The following SLC25A12 variants were observed in gnomAD, a reference collection of about 807,000 sequenced individuals.
SLC25A12 encodes solute carrier family 25 member 12.
A neutral mutation model predicts 83.3 loss-of-function variants in SLC25A12; 32 were observed. The observed-to-expected ratio is 0.38, with a 90% CI of 0.29 to 0.52. SLC25A12 has a LOEUF of 0.52. SLC25A12 is among the 20% of genes least tolerant of loss of function. The pLI is 0.84. For missense variants in SLC25A12, 611 were observed against 835.6 expected (o/e 0.73, Z 3.31); for synonymous variants, 267 against 291.1 (o/e 0.92, Z 0.84).
intron 13 of SLC25A12, among the ~76,000 whole-genome samples, chr2:171,794,977 G>A (rs903024060): frequency 2.6e-5 from 4 of 152,140 alleles, no homozygotes; most frequent in African/African-American, 9.6e-5. Context: ...TCCCAGACCC[G>A]CTTCCAAGGG....
chr2:171,870,897 AC>A (rs914357038), intron 2 of SLC25A12, among the ~76,000 whole-genome samples: 12 of 152,136 alleles, frequency 7.9e-5, no homozygotes, highest in African/African-American at 2.7e-4. Flanking sequence ...AAACAAAGCC[AC>A]CTGTTCTTTC....
intron 2 of SLC25A12, among the ~76,000 whole-genome samples, chr2:171,871,243 C>A (rs968458442): frequency 6.6e-6 from 1 of 151,992 alleles, no homozygotes; most frequent in East Asian, 1.9e-4. Flanking sequence ...GAGACTACCA[C>A]CACAAGTGCT....
At position 171,783,637 on chromosome 2, in the gene SLC25A12, G is replaced by A. The variant is rs868112041; in HGVS notation, c.*1637C>T. Among the ~76,000 whole-genome samples the A allele has an allele frequency of 3.9e-5, 6 of 152,086 alleles. No individual in the cohort carries two copies. Among genetic ancestry groups the A allele is most frequent in the East Asian group, 1.9e-4 (1 of 5,188 alleles). On this transcript the variant is annotated 3_prime_UTR_variant, in exon 18 of 18. Coordinates refer to ENST00000422440, the MANE Select transcript of SLC25A12 (RefSeq NM_003705.5). ...TGGTGGAGGTAGAAGGAGGGTAAGCGGGACACTTTCCCATCTCACTCTAGA... is the reference window on the plus strand; with the variant it reads ...TGGTGGAGGTAGAAGGAGGGTAAGCAGGACACTTTCCCATCTCACTCTAGA...
rs1392877222 is a variant in SLC25A12, at chr2:171,784,549, G to C, written c.*725C>G. 1 of 152,426 alleles carries C rather than the reference G, an allele frequency of 6.6e-6. No individual in the cohort carries two copies. Among genetic ancestry groups the C allele is most frequent in the Non-Finnish European group, 1.5e-5 (1 of 68,206 alleles). 9.4% of individuals were successfully genotyped at this position (152,426 alleles called of 1,614,324 possible). A position where few individuals can be genotyped will look rare whatever the true frequency, so the allele number is the denominator to read the frequency against. Reference sequence around the variant, plus strand: ...CCATATGCACACTGACAGGCGAGGAGCTGCCTAGGAAATGCTTTTTGATTG... The same window carrying C: ...CCATATGCACACTGACAGGCGAGGACCTGCCTAGGAAATGCTTTTTGATTG... On this transcript the variant is annotated 3_prime_UTR_variant, in exon 18 of 18. Coordinates refer to ENST00000422440, the MANE Select transcript of SLC25A12 (RefSeq NM_003705.5).
At position 171,785,277 on chromosome 2, in the gene SLC25A12, C is replaced by T; in HGVS notation, c.2034G>A (p.Gln678=). 3 of 1,614,124 alleles carry T rather than the reference C, an allele frequency of 1.9e-6. No homozygotes were observed. The highest frequency in any genetic ancestry group is 1.1e-5 in the South Asian group (1 of 91,034). ...VQPKAAVAAT[Q] ...GCCACACTCAACAGTTGTCTCATCA[C>T]TGAGTGGCTGCCACTGCTGCCTTTG... is the stretch of plus-strand genomic sequence containing the variant. Residue 678 remains glutamine (Q), a synonymous_variant, in exon 18 of 18, where the codon CAG becomes CAA. Transcript: ENST00000422440.
intron 4 of SLC25A12, among the ~76,000 whole-genome samples, chr2:171,848,740 G>T (rs537372230): frequency 6.6e-6 from 1 of 152,324 alleles, no homozygotes; most frequent in African/African-American, 2.4e-5. Flanking sequence ...CTCTCAGATG[G>T]TCATTAGTTT....
At chr2:171,856,311 T>C (rs541562593) in intron 3 of SLC25A12, among the ~76,000 whole-genome samples, 2 of 152,294 alleles carry the variant, frequency 1.3e-5, no homozygotes, top group Non-Finnish European at 2.9e-5. Context: ...TTCCTGTGCT[T>C]TGTAGCATGT....
chr2:171,868,689 G>A lies in SLC25A12; in HGVS notation c.201C>T (p.Thr67=). 1 of 1,613,682 alleles carries A rather than the reference G, an allele frequency of 6.2e-7. No homozygotes were observed. Among genetic ancestry groups the A allele is most frequent in the East Asian group, 2.2e-5 (1 of 44,872 alleles). The stretch of plus-strand genomic sequence containing the variant: ...TGCATGAAGATACTTACCCATCCTT[G>A]GTTTGATCAGCTACTCCTGCCAAGA... ...VQLLAGVADQ[T]KDGLISYQEF... Residue 67 remains threonine, a synonymous_variant, in exon 3 of 18, where the codon ACC becomes ACT. Coordinates refer to ENST00000422440, the MANE Select transcript of SLC25A12 (RefSeq NM_003705.5).
At chr2:171,846,738 G>A (rs1313646721) in intron 4 of SLC25A12, among the ~76,000 whole-genome samples, 3 of 152,034 alleles carry the variant, frequency 2.0e-5, no homozygotes, top group Admixed American at 6.6e-5. Context: ...CTCGGGAGGC[G>A]GAGGTTGCAG....
intron 2 of SLC25A12, among the ~76,000 whole-genome samples, chr2:171,886,522 T>C (rs568397066): frequency 6.6e-6 from 1 of 151,688 alleles, no homozygotes; most frequent in African/African-American, 2.4e-5. Flanking sequence ...CTTTTTTTTT[T>C]GTTTTGAGAC....
intron 5 of SLC25A12, 120 bp from the exon 6 acceptor site, chr2:171,837,387 G>A (rs538436334): frequency 8.6e-6 from 9 of 1,041,962 alleles, no homozygotes; most frequent in Non-Finnish European, 1.3e-5. Flanking sequence ...AACAAACAAT[G>A]CACAGATCTG....
intron 4 of SLC25A12, among the ~76,000 whole-genome samples, chr2:171,845,103 A>T (rs930267883): frequency 2.0e-5 from 3 of 152,182 alleles, no homozygotes; most frequent in Non-Finnish European, 2.9e-5. Flanking sequence ...AAATCCCCAT[A>T]AAATCCATGA....
At chr2:171,851,057 A>G (rs924169496) in intron 4 of SLC25A12, among the ~76,000 whole-genome samples, 1 of 152,252 alleles carries the variant, frequency 6.6e-6, no homozygotes, top group Admixed American at 6.5e-5. Flanking sequence ...GGAAAAGTTT[A>G]CTTTGAAGAG....
At chr2:171,802,771 G>A (rs1973706) in intron 13 of SLC25A12, among the ~76,000 whole-genome samples, 40,613 of 151,982 alleles carry the variant, frequency 0.27, 5,544 homozygotes, top group African/African-American at 0.3. Context: ...GCGAGACTCT[G>A]TCTCGAAAAA....
intron 9 of SLC25A12, among the ~76,000 whole-genome samples, chr2:171,815,915 TTAA>T (rs1684041641): frequency 6.6e-6 from 1 of 152,022 alleles, no homozygotes; most frequent in South Asian, 2.1e-4. Context: ...TGCCAACGTC[TTAA>T]TTATATATAC....
At chr2:171,813,258 G>C in intron 11 of SLC25A12, 81 bp downstream of exon 11, 1 of 1,442,296 alleles carries the variant, frequency 6.9e-7, no homozygotes, top group Non-Finnish European at 9.8e-7. Context: ...ACTACATATT[G>C]GCTTCCATAA....
intron 5 of SLC25A12, among the ~76,000 whole-genome samples, chr2:171,840,307 C>A (rs752553822): frequency 6.6e-6 from 1 of 151,792 alleles, no homozygotes; most frequent in Non-Finnish European, 1.5e-5. Flanking sequence ...ATCCCTGGAA[C>A]CTGGGGAAGT....
intron 14 of SLC25A12, among the ~76,000 whole-genome samples, chr2:171,792,779 AG>A (rs1247963713): frequency 6.6e-6 from 1 of 152,220 alleles, no homozygotes; most frequent in Non-Finnish European, 1.5e-5. Flanking sequence ...CTCTTGAGAC[AG>A]GCATCATTGT....
rs1280218666 is a variant in SLC25A12, at chr2:171,868,869, C to T, written c.67-46G>A. 5 of 1,452,946 alleles carry T rather than the reference C, an allele frequency of 3.4e-6. No homozygotes were observed. In the South Asian group the frequency reaches 5.8e-5, roughly 17 times the overall value. The allele number at this position is 1,452,946 out of a possible 1,614,324, so 90.0% of individuals were successfully genotyped here. A position where few individuals can be genotyped will look rare whatever the true frequency, so the allele number is the denominator to read the frequency against. The stretch of plus-strand genomic sequence containing the variant: ...TGCATACTGAAAAATTATCCAATAT[C>T]ATTTTATATCCAATAAATGGTTTGT... On this transcript the variant is annotated intron_variant, in intron 2 of 17. Coordinates refer to ENST00000422440, the MANE Select transcript of SLC25A12 (RefSeq NM_003705.5).
Sources: allele counts gnomAD v4.1 joint callset (sites outside exome capture counted in the v4.1 genomes callset), GRCh38; gene constraint gnomAD v4.1.1; transcripts MANE v1.5; gene names NCBI Gene and HGNC (gene_info 2026-07-23, HGNC 2026-07-21).